TRIP4: variants seen among roughly 807,000 people sequenced by gnomAD.
The protein encoded by TRIP4 is thyroid hormone receptor interactor 4.
TRIP4 carries 54 observed loss-of-function variants against 81.8 expected under a neutral mutation model. The observed-to-expected ratio is 0.66, with a 90% CI of 0.53 to 0.83. TRIP4 has a LOEUF of 0.83. TRIP4 is among the 40% of genes least tolerant of loss of function. The pLI is 0.00. For synonymous variants in TRIP4, 270 were observed against 242.8 expected, an observed-to-expected ratio of 1.11 and a Z score of -1.04; for missense variants, 662 against 683.6, an observed-to-expected ratio of 0.97 and a Z score of 0.35.
intron 5 of TRIP4, among the ~76,000 whole-genome samples, chr15:64,403,412 G>T (rs1891557723): frequency 1.3e-5 from 2 of 152,032 alleles, no homozygotes; most frequent in African/African-American, 4.8e-5. Flanking sequence ...ACCCGCCTCG[G>T]CCTCCCAAAG....
chr15:64,454,927 T>C, intron 12 of TRIP4, 70 bp from the exon 13 acceptor site: 1 of 1,426,538 alleles, frequency 7.0e-7, no homozygotes, highest in Non-Finnish European at 9.9e-7. Context: ...CCAGAAGACC[T>C]GGGAGGCTGC....
At chr15:64,438,460 C>T (rs1892448258) in intron 11 of TRIP4, among the ~76,000 whole-genome samples, 1 of 152,214 alleles carries the variant, frequency 6.6e-6, no homozygotes, top group African/African-American at 2.4e-5. Context: ...GCTGGGATTA[C>T]AGGCATGCAC....
chr15:64,400,950 G>C, intron 5 of TRIP4, 129 bp downstream of exon 5: 2 of 634,456 alleles, frequency 3.2e-6, no homozygotes, highest in Non-Finnish European at 5.4e-6. Flanking sequence ...TTTTTGGGGG[G>C]TTTTTTTTGT....
At chr15:64,403,002 G>A (rs183185045) in intron 5 of TRIP4, among the ~76,000 whole-genome samples, 9 of 151,992 alleles carry the variant, frequency 5.9e-5, no homozygotes, top group East Asian at 3.9e-4. Context: ...TGAGACTGGC[G>A]ACGCCCGCCA....
At chr15:64,419,995 T>A (rs1251172835) in intron 9 of TRIP4, among the ~76,000 whole-genome samples, 3 of 151,826 alleles carry the variant, frequency 2.0e-5, no homozygotes, top group African/African-American at 7.3e-5. Context: ...TTTGTATTTT[T>A]AGTAGAGATG....
chr15:64,416,020 A>G (rs907776473), intron 8 of TRIP4, among the ~76,000 whole-genome samples: 2 of 152,188 alleles, frequency 1.3e-5, no homozygotes, highest in Admixed American at 6.6e-5. Context: ...TGCCAGCCCA[A>G]ATTAGTATTA....
At chr15:64,441,367 GA>G (rs1454688421) in intron 11 of TRIP4, among the ~76,000 whole-genome samples, 40 of 152,082 alleles carry the variant, frequency 2.6e-4, no homozygotes, top group Non-Finnish European at 8.8e-5. Flanking sequence ...CCTAGATGCT[GA>G]TGAGTAAACA....
At chr15:64,396,703 G>A (rs1370141608) in intron 3 of TRIP4, among the ~76,000 whole-genome samples, 1 of 152,130 alleles carries the variant, frequency 6.6e-6, no homozygotes, top group Non-Finnish European at 1.5e-5. Flanking sequence ...CTATTATTTG[G>A]ATAGTTTCCA....
At chr15:64,403,209 T>C (rs959996969) in intron 5 of TRIP4, among the ~76,000 whole-genome samples, 1 of 150,914 alleles carries the variant, frequency 6.6e-6, no homozygotes, top group Admixed American at 6.7e-5. Context: ...CGGGCTGGAG[T>C]GCAGTGGCGC....
intron 9 of TRIP4, among the ~76,000 whole-genome samples, chr15:64,421,281 GA>G (rs1365174041): frequency 4.4e-4 from 60 of 136,836 alleles, no homozygotes; most frequent in African/African-American, 4.8e-4. Context: ...GACTCCATCT[GA>G]AAAAAAAAAA....
rs1486714339 is a variant in TRIP4, at chr15:64,395,439, G to T, written c.313G>T (p.Gly105Cys). 2 of 1,613,412 alleles carry T rather than the reference G, an allele frequency of 1.2e-6. No individual in the cohort carries two copies. Among genetic ancestry groups the T allele is most frequent in the Non-Finnish European group, 1.7e-6 (2 of 1,179,776 alleles). ...GAAATCAGGCGACCATCTAAAGCGG[G>T]GTAGGAAGAAAGGGAGAAACAGACA... is the stretch of plus-strand genomic sequence containing the variant. ...GQKSGDHLKR[G>C]RKKGRNRQEV... The change falls in exon 3 of 13, where the codon GGT becomes TGT. Residue 105 changes from glycine (G) to cysteine (C), a missense_variant. Physicochemically the swap from Gly to Cys is radical, Grantham distance 159. Coordinates refer to ENST00000261884, the MANE Select transcript of TRIP4 (RefSeq NM_016213.5).
intron 12 of TRIP4, among the ~76,000 whole-genome samples, chr15:64,445,415 A>C (rs111509705): frequency 1.3e-5 from 2 of 150,784 alleles, no homozygotes; most frequent in African/African-American, 4.9e-5. Flanking sequence ...TCACAAGGTC[A>C]AGAGATCGAG....
At chr15:64,390,719 C>T (rs189702718) in intron 1 of TRIP4, among the ~76,000 whole-genome samples, 9 of 151,792 alleles carry the variant, frequency 5.9e-5, no homozygotes, top group African/African-American at 1.7e-4. Flanking sequence ...GGTGAAACCC[C>T]GTCTCTACTA....
At position 64,392,801 on chromosome 15, in the gene TRIP4, G is replaced by T. The variant is rs968292837; in HGVS notation, c.102-1145G>T. On this transcript the variant is annotated intron_variant, in intron 1 of 12. Transcript: ENST00000261884. ...GGCTAATTTTAATTTTTCTTCTAGA[G>T]ACAAGGTCTCCCTATGTTGCCCAGG... 3.3e-5 allele frequency among the ~76,000 whole-genome samples: 5 copies of T among 152,100 alleles called. No individual in the cohort carries two copies. The East Asian group carries it at 9.7e-4, about 29-fold the overall frequency.
Position 64,409,827 on chromosome 15 carries a change from A to G in TRIP4, c.1042A>G (p.Arg348Gly). ...EENSLAEYHS[R>G]LDETIQAIAN... ...AAATTCACTAGCAGAGTATCATAGC[A>G]GGTAAGTGAGCAGCACTAGAAAGGG... The change falls in exon 7 of 13, where the codon AGA becomes GGA. Residue 348 changes from arginine to glycine, a missense_variant and splice_region_variant. Physicochemically the swap from Arg to Gly is moderately radical, Grantham distance 125. Transcript: ENST00000261884. 1 of 1,613,818 alleles carries G rather than the reference A, an allele frequency of 6.2e-7. No homozygotes were observed.
At chr15:64,440,634 G>A (rs546324631) in intron 11 of TRIP4, among the ~76,000 whole-genome samples, 1 of 152,270 alleles carries the variant, frequency 6.6e-6, no homozygotes, top group East Asian at 1.9e-4. Context: ...CTAGTAGTAG[G>A]AAAAGGGATA....
At chr15:64,425,496 C>A in intron 10 of TRIP4, 44 bp from the exon 11 acceptor site, 2 of 1,530,840 alleles carry the variant, frequency 1.3e-6, no homozygotes, top group South Asian at 1.2e-5. Flanking sequence ...TCCAAGATCA[C>A]AAAGAAGGAA....
intron 12 of TRIP4, chr15:64,450,893 G>A (rs1892743427): frequency 7.1e-6 from 2 of 281,442 alleles, no homozygotes; most frequent in African/African-American, 4.3e-5. Context: ...ACGTAAAATA[G>A]GAATGTTCTC....
At chr15:64,434,764 T>A (rs1253533487) in intron 11 of TRIP4, among the ~76,000 whole-genome samples, 5 of 152,160 alleles carry the variant, frequency 3.3e-5, no homozygotes, top group Non-Finnish European at 7.3e-5. Context: ...TATGATGCCT[T>A]CATTTTACCT....
Sources: gnomAD v4.1 joint callset for allele counts (sites outside exome capture counted in the v4.1 genomes callset) on GRCh38, gnomAD v4.1.1 for gene constraint, MANE v1.5 for transcripts, NCBI Gene and HGNC (gene_info 2026-07-23, HGNC 2026-07-21) for gene names.